The following MAP3K15 variants were observed in gnomAD, a reference collection of about 807,000 sequenced individuals.
MAP3K15 encodes MAPK/ERK kinase kinase 15.
MAP3K15 carries 124 observed loss-of-function variants against 99.5 expected under a neutral mutation model. The ratio of observed to expected loss-of-function variants is 1.25; its 90% CI spans 1.08 to 1.45. MAP3K15 has a LOEUF of 1.45. Ranked by LOEUF, MAP3K15 falls within the 40% of genes most tolerant of loss-of-function variation. MAP3K15 has a pLI of 0.00. For missense variants in MAP3K15, 1,242 were observed against 1,079.7 expected, an observed-to-expected ratio of 1.15 and a Z score of -2.11; for synonymous variants, 494 against 439.6, an observed-to-expected ratio of 1.12 and a Z score of -1.55.
chrX:19,457,338 G>A (rs764490691), intron 5 of MAP3K15, among the ~76,000 whole-genome samples: 18 of 112,336 alleles, frequency 1.6e-4, no homozygotes, highest in African/African-American at 2.6e-4. Context: ...GAGGCTGGGC[G>A]TGGTGGCTCA....
At chrX:19,373,255 G>C in intron 21 of MAP3K15, 1 of 309,406 alleles carries the variant, frequency 3.2e-6, no homozygotes, top group African/African-American at 3.2e-5. Flanking sequence ...GGGGGAAGAG[G>C]AGAGAGGGGA....
At position 19,388,301 on chromosome X, in the gene MAP3K15, G is replaced by C. The variant is rs2063505710; in HGVS notation, c.2431+3701C>G. ...ATTCAGACTGTGTGCGCTCCTTCAA[G>C]TGTCATTATGACTTTCTCTGTTATG... On this transcript the variant is annotated intron_variant, in intron 18 of 28. Transcript: ENST00000338883. Among the ~76,000 whole-genome samples, 3 of 112,028 alleles carry C rather than the reference G, an allele frequency of 2.7e-5. No homozygotes were observed. In the Admixed American group the frequency reaches 2.8e-4, roughly 11 times the overall value.
intron 1 of MAP3K15, among the ~76,000 whole-genome samples, chrX:19,510,641 G>A (rs868517249): frequency 1.8e-5 from 2 of 112,026 alleles, no homozygotes; most frequent in Non-Finnish European, 3.8e-5. Flanking sequence ...CACAAGCCAG[G>A]GATGCCCTCT....
At chrX:19,481,012 G>A (rs1343749761) in intron 3 of MAP3K15, among the ~76,000 whole-genome samples, 1 of 106,338 alleles carries the variant, frequency 9.4e-6, no homozygotes, top group Non-Finnish European at 1.9e-5. Context: ...GCACTCGGGA[G>A]GTTGAGGTGG....
At position 19,421,476 on chromosome X, in the gene MAP3K15, T is replaced by C. The variant is rs7884525; in HGVS notation, c.1439+4055A>G. 8.6e-3 allele frequency among the ~76,000 whole-genome samples: 953 copies of C among 110,438 alleles called. 14 individuals carry two copies. The highest frequency in any genetic ancestry group is 0.031 in the African/African-American group (920 of 30,062). On this transcript the variant is annotated intron_variant, in intron 9 of 28. Coordinates refer to ENST00000338883, the MANE Select transcript of MAP3K15 (RefSeq NM_001001671.4). ...ACCTAGGAATCCAACTTACAAGGGA[T>C]GTGAAGGACCTCTTCAAGGAGAACT...
intron 19 of MAP3K15, among the ~76,000 whole-genome samples, chrX:19,378,016 C>T (rs947641013): frequency 1.8e-5 from 2 of 112,304 alleles, no homozygotes; most frequent in African/African-American, 6.5e-5. Context: ...GGCACCCAAG[C>T]AGGCAGCACT....
rs139248846 is a variant in MAP3K15, at chrX:19,374,604, T to C, written c.2646A>G (p.Arg882=). The C allele has an allele frequency of 5.0e-6, 6 of 1,209,356 alleles. No individual in the cohort carries two copies. The highest frequency in any genetic ancestry group is 2.2e-5 in the Admixed American group (1 of 45,678). The change falls in exon 20 of 29, where the codon CGA becomes CGG. Residue 882 remains arginine, a synonymous_variant. Transcript: ENST00000338883. The stretch of plus-strand genomic sequence containing the variant: ...GCTCGAAACAGGATAAAATGAAGGC[T>C]CGGGCTTCAGCTGAAAGGGCTTCTG... ...EIPEALSAEA[R]AFILSCFEPD...
intron 3 of MAP3K15, among the ~76,000 whole-genome samples, chrX:19,472,511 T>C (rs2064215191): frequency 1.8e-5 from 2 of 111,086 alleles, no homozygotes; most frequent in African/African-American, 6.5e-5. Flanking sequence ...CAAAAGGATA[T>C]TGGTAGGAAC....
chrX:19,479,628 G>A (rs1365436793), intron 3 of MAP3K15, among the ~76,000 whole-genome samples: 2 of 112,323 alleles, frequency 1.8e-5, no homozygotes, highest in African/African-American at 6.5e-5. Context: ...ATGAAGCTAC[G>A]CAATGCCTAT....
At chrX:19,383,589 G>C (rs1303084407) in intron 18 of MAP3K15, among the ~76,000 whole-genome samples, 1 of 112,170 alleles carries the variant, frequency 8.9e-6, no homozygotes, top group African/African-American at 3.2e-5. Flanking sequence ...CCTCTGCCAG[G>C]AGATTAGTCA....
chrX:19,427,691 C>T, intron 7 of MAP3K15, among the ~76,000 whole-genome samples: 1 of 111,629 alleles, frequency 9.0e-6, no homozygotes, highest in Non-Finnish European at 1.9e-5. Flanking sequence ...GAAGTAATGA[C>T]ACAAATGTCT....
At chrX:19,421,323 C>T (rs746384377) in intron 9 of MAP3K15, among the ~76,000 whole-genome samples, 3 of 111,785 alleles carry the variant, frequency 2.7e-5, no homozygotes, top group South Asian at 7.6e-4. Flanking sequence ...TAAGCAACTT[C>T]AGCAAAGTCT....
chrX:19,368,988 G>T (rs1480425472), intron 25 of MAP3K15, 66 bp downstream of exon 25: 22 of 1,063,357 alleles, frequency 2.1e-5, no homozygotes, highest in Non-Finnish European at 2.5e-5. Flanking sequence ...CAATTAATCA[G>T]CATCTTGGTG....
In MAP3K15 at chrX:19,376,253, C is replaced by T. The variant is rs192690830; in HGVS notation, c.2590-1593G>A. Among the ~76,000 whole-genome samples, 34 of 110,808 alleles carry T rather than the reference C, an allele frequency of 3.1e-4. No individual in the cohort carries two copies. The East Asian group carries it at 5.2e-3, about 17-fold the overall frequency. On this transcript the variant is annotated intron_variant, in intron 19 of 28. Transcript: ENST00000338883. Reference sequence around the variant, plus strand: ...GGAGGCTGGAAGTCCAAGATCCAAGCGTTGGTAGGGCCAGGGACTCCTGAA... The same window carrying T: ...GGAGGCTGGAAGTCCAAGATCCAAGTGTTGGTAGGGCCAGGGACTCCTGAA...
chrX:19,464,490 C>T, intron 3 of MAP3K15, 84 bp from the exon 4 acceptor site: 1 of 705,023 alleles, frequency 1.4e-6, no homozygotes, highest in Non-Finnish European at 2.1e-6. Context: ...GTGGGACAGG[C>T]ATGGAGAAAA....
intron 6 of MAP3K15, among the ~76,000 whole-genome samples, chrX:19,447,422 A>G (rs1361608974): frequency 2.0e-3 from 229 of 111,975 alleles, no homozygotes; most frequent in Non-Finnish European, 3.7e-3. Context: ...GTGATATACT[A>G]CAAAGTGTTC....
intron 21 of MAP3K15, 56 bp downstream of exon 21, chrX:19,373,480 G>A (rs899782934): frequency 2.9e-5 from 33 of 1,143,215 alleles, no homozygotes; most frequent in African/African-American, 2.3e-4. Context: ...GCCCTGTGGC[G>A]GAGGACTACC....
chrX:19,379,914 T>C (rs927026923), intron 19 of MAP3K15, among the ~76,000 whole-genome samples: 1 of 111,178 alleles, frequency 9.0e-6, no homozygotes, highest in Non-Finnish European at 1.9e-5. Context: ...TGCTCGGCTC[T>C]ATGAAACAGT....
At chrX:19,398,051 G>A (rs1257340971) in intron 15 of MAP3K15, among the ~76,000 whole-genome samples, 175 bp downstream of exon 15, 17 of 94,970 alleles carry the variant, frequency 1.8e-4, no homozygotes, top group South Asian at 5.3e-4. Context: ...GCAATAGAGC[G>A]AGACTCCGTT....
Sources: gnomAD v4.1 joint callset for allele counts (sites outside exome capture counted in the v4.1 genomes callset) on GRCh38, gnomAD v4.1.1 for gene constraint, MANE v1.5 for transcripts, NCBI Gene and HGNC (gene_info 2026-07-23, HGNC 2026-07-21) for gene names.